The following TACR3 variants were observed in gnomAD, a reference collection of about 807,000 sequenced individuals.
TACR3 encodes the protein neuromedin-K receptor.
TACR3 carries 34 observed loss-of-function variants against 35.0 expected under a neutral mutation model. The ratio of observed to expected loss-of-function variants is 0.97; its 90% CI spans 0.74 to 1.30. The LOEUF is 1.30. TACR3 is among the 50% of genes most tolerant of loss of function. The pLI is 0.00. For synonymous variants in TACR3, 233 were observed against 221.1 expected, an observed-to-expected ratio of 1.05 and a Z score of -0.48; for missense variants, 558 against 591.7, an observed-to-expected ratio of 0.94 and a Z score of 0.59.
chr4:103,665,001 T>C (rs1268304176), intron 1 of TACR3, among the ~76,000 whole-genome samples: 2 of 151,302 alleles, frequency 1.3e-5, no homozygotes, highest in South Asian at 2.1e-4. Context: ...CTTGTAGAGA[T>C]GAGGATTCAC....
At chr4:103,635,851 A>G (rs1314672383) in intron 3 of TACR3, among the ~76,000 whole-genome samples, 1 of 151,988 alleles carries the variant, frequency 6.6e-6, no homozygotes, top group Non-Finnish European at 1.5e-5. Context: ...CTGAATCAGT[A>G]CCAGTCTAGC....
chr4:103,692,908 T>C (rs954279125), intron 1 of TACR3, among the ~76,000 whole-genome samples: 1 of 152,164 alleles, frequency 6.6e-6, no homozygotes, highest in Non-Finnish European at 1.5e-5. Flanking sequence ...CATGTGAATA[T>C]TCAGGTTATT....
intron 1 of TACR3, among the ~76,000 whole-genome samples, chr4:103,703,284 T>C (rs1476895024): frequency 6.6e-6 from 1 of 152,172 alleles, no homozygotes; most frequent in Non-Finnish European, 1.5e-5. Context: ...TACAGTTCAA[T>C]GGCAATAAGT....
At chr4:103,595,949 G>A (rs1021784522) in intron 3 of TACR3, among the ~76,000 whole-genome samples, 9 of 136,432 alleles carry the variant, frequency 6.6e-5, no homozygotes, top group Non-Finnish European at 1.4e-4. Context: ...CCCTTCCTGT[G>A]TCCATATGTT....
chr4:103,682,167 C>T (rs1722113823), intron 1 of TACR3, among the ~76,000 whole-genome samples: 1 of 152,092 alleles, frequency 6.6e-6, no homozygotes, highest in Non-Finnish European at 1.5e-5. Context: ...GAATCTTTCT[C>T]TCTTGGCCAG....
At chr4:103,656,950 A>ACAAAACAAAT (rs767555999) in intron 2 of TACR3, among the ~76,000 whole-genome samples, 2 of 108,584 alleles carry the variant, frequency 1.8e-5, no homozygotes, top group Non-Finnish European at 2.1e-5. Flanking sequence ...CTTGGTAAAA[A>ACAAAACAAAT]CAAAACAAAA....
chr4:103,680,499 A>G (rs991201), intron 1 of TACR3, among the ~76,000 whole-genome samples: 2,417 of 147,198 alleles, frequency 0.016, 77 homozygotes, highest in African/African-American at 0.058. Flanking sequence ...ATACATACAC[A>G]CACACACACA....
In TACR3 at chr4:103,719,219, A is replaced by G. The variant is rs1723154708; in HGVS notation, c.457T>C (p.Phe153Leu). The change falls in exon 1 of 5, where the codon TTT becomes CTT. Residue 153 changes from phenylalanine (F) to leucine (L), a missense_variant. Physicochemically the swap from Phe to Leu is conservative, Grantham distance 22. Coordinates refer to ENST00000304883, the MANE Select transcript of TACR3 (RefSeq NM_001059.3). ...FIYALHSEWY[F>L]GANYCRFQNF... ...TGGAAGCGGCAGTAGTTGGCGCCAA[A>G]GTACCACTCGCTATGAAGCGCGTAG... 1 of 1,614,098 alleles carries G rather than the reference A, an allele frequency of 6.2e-7. No individual in the cohort carries two copies. Among genetic ancestry groups the G allele is most frequent in the African/African-American group, 1.3e-5 (1 of 74,930 alleles).
At chr4:103,631,346 G>C (rs566620117) in intron 3 of TACR3, among the ~76,000 whole-genome samples, 1 of 151,636 alleles carries the variant, frequency 6.6e-6, no homozygotes, top group African/African-American at 2.4e-5. Context: ...AATAATAAAT[G>C]CATGGTATAG....
At chr4:103,676,990 T>G (rs1578253422) in intron 1 of TACR3, among the ~76,000 whole-genome samples, 1 of 151,996 alleles carries the variant, frequency 6.6e-6, no homozygotes, top group Admixed American at 6.6e-5. Flanking sequence ...CCAGCATCTA[T>G]AAAGAACTTA....
chr4:103,703,195 T>C (rs1722702198), intron 1 of TACR3, among the ~76,000 whole-genome samples: 1 of 152,202 alleles, frequency 6.6e-6, no homozygotes. Context: ...AAGTGTTCAT[T>C]TTAATTAATT....
In TACR3 at chr4:103,603,784, C is replaced by T. The variant is rs925943077; in HGVS notation, c.889-12101G>A. Among the ~76,000 whole-genome samples the T allele has an allele frequency of 1.2e-4, 18 of 152,238 alleles. 1 individual carries two copies. The South Asian group carries it at 1.7e-3, about 14-fold the overall frequency. On this transcript the variant is annotated intron_variant, in intron 3 of 4. Coordinates refer to ENST00000304883, the MANE Select transcript of TACR3 (RefSeq NM_001059.3). ...CAAAGGTTGAACTAATTTATATTCC[C>T]ACCAACAGTGTGAAAGCATTCCTAT...
At chr4:103,701,382 G>C (rs1414800528) in intron 1 of TACR3, among the ~76,000 whole-genome samples, 14 of 151,478 alleles carry the variant, frequency 9.2e-5, no homozygotes, top group South Asian at 4.2e-4. Flanking sequence ...ACAAACCACT[G>C]CTCAATGAAA....
rs1343284158 is a variant in TACR3 at position 103,613,602 on chromosome 4, T to C, written c.889-21919A>G. 2.0e-5 allele frequency among the ~76,000 whole-genome samples: 3 copies of C among 152,158 alleles called. No homozygotes were observed. In the East Asian group the frequency reaches 5.8e-4, roughly 29 times the overall value. On this transcript the variant is annotated intron_variant, in intron 3 of 4. Coordinates refer to ENST00000304883, the MANE Select transcript of TACR3 (RefSeq NM_001059.3). The stretch of plus-strand genomic sequence containing the variant: ...TTGGCCTCCCCAAGTGCTGGGATTA[T>C]AGGCATGAGCCACCGTGCAAGACTA...
chr4:103,628,085 C>T (rs1186879898), intron 3 of TACR3, among the ~76,000 whole-genome samples: 1 of 152,066 alleles, frequency 6.6e-6, no homozygotes, highest in African/African-American at 2.4e-5. Flanking sequence ...TAAAAATGTT[C>T]GTTGAAACTA....
chr4:103,590,102 G>C (rs1578215288), intron 4 of TACR3, 108 bp from the exon 5 acceptor site: 1 of 1,425,126 alleles, frequency 7.0e-7, no homozygotes. Context: ...CTCAGTTTTT[G>C]AGTTTGGTTT....
At chr4:103,642,162 G>A (rs1213088236) in intron 3 of TACR3, among the ~76,000 whole-genome samples, 5 of 150,916 alleles carry the variant, frequency 3.3e-5, no homozygotes, top group African/African-American at 1.2e-4. Flanking sequence ...TGAGGTGATG[G>A]ATATGTTAAT....
intron 4 of TACR3, 156 bp downstream of exon 4, chr4:103,591,331 G>A: frequency 2.6e-6 from 2 of 783,824 alleles, no homozygotes; most frequent in Non-Finnish European, 4.3e-6. Flanking sequence ...GTGTATGGGG[G>A]TCTTGAAAGA....
intron 3 of TACR3, among the ~76,000 whole-genome samples, chr4:103,629,864 A>AAAC (rs1725012131): frequency 3.4e-5 from 4 of 116,608 alleles, no homozygotes; most frequent in Non-Finnish European, 7.5e-5. Flanking sequence ...AAAAAAACAA[A>AAAC]AAAAAAACAA....
Sources: allele counts gnomAD v4.1 joint callset (sites outside exome capture counted in the v4.1 genomes callset), GRCh38; gene constraint gnomAD v4.1.1; transcripts MANE v1.5; gene names NCBI Gene and HGNC (gene_info 2026-07-23, HGNC 2026-07-21).